Variants in UGGT2 observed in about 807,000 individuals in gnomAD.
UGGT2 encodes UDP-glucose glycoprotein glucosyltransferase 2, also known as UDP-glucose:glycoprotein glucosyltransferase 2.
Under a neutral mutation model 192.1 loss-of-function variants are expected in UGGT2, and 180 were observed. The ratio of observed to expected loss-of-function variants is 0.94; its 90% CI spans 0.83 to 1.06. The LOEUF is 1.06. Ranked by LOEUF, UGGT2 falls within the 50% of genes least tolerant of loss-of-function variation. The pLI, the probability that UGGT2 is intolerant of heterozygous loss-of-function variation, is 0.00. For synonymous variants in UGGT2, 580 were observed against 591.0 expected (o/e 0.98, Z 0.27); for missense variants, 1,849 against 1,795.7 (o/e 1.03, Z -0.54).
chr13:95,860,457 A>G (rs1368684615), intron 32 of UGGT2, among the ~76,000 whole-genome samples: 1 of 150,274 alleles, frequency 6.7e-6, no homozygotes, highest in Non-Finnish European at 1.5e-5. Context: ...ATGAAATTTC[A>G]TATTTATATA....
chr13:95,904,530 G>A (rs1384332708), intron 20 of UGGT2, among the ~76,000 whole-genome samples: 1 of 144,728 alleles, frequency 6.9e-6, no homozygotes, highest in Non-Finnish European at 1.5e-5. Context: ...CCACCTATGA[G>A]TGAGAATATG....
chr13:95,911,529 A>C (rs1405303025), intron 20 of UGGT2, among the ~76,000 whole-genome samples: 2 of 152,200 alleles, frequency 1.3e-5, no homozygotes, highest in Non-Finnish European at 2.9e-5. Flanking sequence ...CCCAAGACTA[A>C]ACCAGGAAGA....
chr13:95,934,705 C>T (rs993914154), intron 17 of UGGT2, among the ~76,000 whole-genome samples: 5 of 152,152 alleles, frequency 3.3e-5, no homozygotes, highest in Admixed American at 2.6e-4. Flanking sequence ...GGAGAGGTTT[C>T]ACTGTGTTGC....
intron 20 of UGGT2, among the ~76,000 whole-genome samples, chr13:95,920,534 T>C (rs1157186947): frequency 1.3e-5 from 2 of 151,976 alleles, no homozygotes; most frequent in Non-Finnish European, 2.9e-5. Flanking sequence ...ACAAAGTACA[T>C]AAACAGACTC....
chr13:95,844,105 T>C (rs568689663), intron 36 of UGGT2, among the ~76,000 whole-genome samples: 2 of 151,984 alleles, frequency 1.3e-5, no homozygotes, highest in Non-Finnish European at 2.9e-5. Context: ...GAATTACAGG[T>C]GCCCGCCACC....
chr13:95,996,588 T>C (rs959616387), intron 6 of UGGT2, among the ~76,000 whole-genome samples: 1 of 152,180 alleles, frequency 6.6e-6, no homozygotes, highest in Non-Finnish European at 1.5e-5. Flanking sequence ...TACATATATA[T>C]GCATGTGTAC....
intron 1 of UGGT2, among the ~76,000 whole-genome samples, chr13:96,033,870 G>A (rs926836294): frequency 1.3e-5 from 2 of 152,188 alleles, no homozygotes; most frequent in African/African-American, 4.8e-5. Context: ...GAACTGCCTG[G>A]GTGCCATGGA....
At chr13:95,962,325 C>A (rs1243887747) in intron 12 of UGGT2, among the ~76,000 whole-genome samples, 1 of 151,860 alleles carries the variant, frequency 6.6e-6, no homozygotes, top group Non-Finnish European at 1.5e-5. Context: ...GATAGACTAA[C>A]CATGACAGAG....
At chr13:95,858,422 C>T (rs764277858) in intron 33 of UGGT2, among the ~76,000 whole-genome samples, 5 of 152,040 alleles carry the variant, frequency 3.3e-5, no homozygotes, top group Admixed American at 6.6e-5. Flanking sequence ...TAAGGTTAGT[C>T]ATGCAGGCCG....
chr13:95,985,894 A>G (rs866448117), intron 9 of UGGT2, among the ~76,000 whole-genome samples: 8 of 152,268 alleles, frequency 5.3e-5, no homozygotes, highest in African/African-American at 1.9e-4. Flanking sequence ...TATTCATCCA[A>G]TTAAGACATT....
intron 17 of UGGT2, among the ~76,000 whole-genome samples, chr13:95,929,170 A>G (rs1566713706): frequency 6.6e-6 from 1 of 152,254 alleles, no homozygotes; most frequent in Non-Finnish European, 1.5e-5. Flanking sequence ...GCTTGGCATC[A>G]GAGGGAGATG....
intron 2 of UGGT2, among the ~76,000 whole-genome samples, chr13:96,031,631 G>C (rs934543510): frequency 2.0e-5 from 3 of 152,050 alleles, no homozygotes; most frequent in African/African-American, 7.2e-5. Context: ...TAACAATTTT[G>C]ATTTCTTCTT....
intron 1 of UGGT2, among the ~76,000 whole-genome samples, chr13:96,032,268 A>C (rs532416260): frequency 2.0e-4 from 30 of 152,214 alleles, no homozygotes; most frequent in African/African-American, 6.5e-4. Flanking sequence ...AGTTTATTCT[A>C]TCTTGCCATA....
intron 12 of UGGT2, among the ~76,000 whole-genome samples, chr13:95,962,696 G>A (rs1409389149): frequency 2.6e-5 from 4 of 152,148 alleles, no homozygotes; most frequent in South Asian, 2.1e-4. Context: ...CACATTCTAT[G>A]AAACCAGCAT....
chr13:95,834,297 T>G (rs1887045199), intron 37 of UGGT2, among the ~76,000 whole-genome samples: 2 of 152,112 alleles, frequency 1.3e-5, no homozygotes, highest in Admixed American at 1.3e-4. Context: ...TGGGTAATCA[T>G]GCCCCTCGGG....
intron 31 of UGGT2, 34 bp from the exon 32 acceptor site, chr13:95,860,917 C>A: frequency 2.2e-6 from 3 of 1,375,212 alleles, no homozygotes; most frequent in South Asian, 1.5e-5. Flanking sequence ...ATTTCTTAAA[C>A]ATACATATGG....
At chr13:95,819,039 T>C (rs1054768726) in intron 38 of UGGT2, among the ~76,000 whole-genome samples, 1 of 152,126 alleles carries the variant, frequency 6.6e-6, no homozygotes, top group African/African-American at 2.4e-5. Flanking sequence ...TCATTCAAAA[T>C]ACTATGAGAA....
At chr13:95,965,045 C>A (rs1388105413) in intron 12 of UGGT2, among the ~76,000 whole-genome samples, 29 of 150,712 alleles carry the variant, frequency 1.9e-4, no homozygotes, top group African/African-American at 7.0e-4. Flanking sequence ...AATGAGATAC[C>A]ATCTCACACC....
intron 12 of UGGT2, among the ~76,000 whole-genome samples, chr13:95,966,110 C>G (rs1454226645): frequency 6.6e-6 from 1 of 152,158 alleles, no homozygotes; most frequent in African/African-American, 2.4e-5. Context: ...TATTATAGCA[C>G]TATTCACGAT....
Sources: allele counts gnomAD v4.1 joint callset (sites outside exome capture counted in the v4.1 genomes callset), GRCh38; gene constraint gnomAD v4.1.1; transcripts MANE v1.5; gene names NCBI Gene and HGNC (gene_info 2026-07-23, HGNC 2026-07-21).